RBMS1: variants seen among roughly 807,000 people sequenced by gnomAD.
The protein encoded by RBMS1 is RNA binding motif single stranded interacting protein 1, also known as RNA-binding motif, single-stranded-interacting protein 1.
Under a neutral mutation model 62.3 loss-of-function variants are expected in RBMS1, and 17 were observed. That is an observed-to-expected ratio of 0.27 (90% CI 0.19 to 0.41). RBMS1 has a LOEUF of 0.41. Ranked by LOEUF, RBMS1 falls within the 10% of genes least tolerant of loss-of-function variation. The pLI is 1.00. For missense variants in RBMS1, 334 were observed against 504.5 expected, an observed-to-expected ratio of 0.66 and a Z score of 3.24; for synonymous variants, 172 against 170.0, an observed-to-expected ratio of 1.01 and a Z score of -0.09.
intron 1 of RBMS1, among the ~76,000 whole-genome samples, chr2:160,387,481 T>G (rs79953834): frequency 0.014 from 2,173 of 152,208 alleles, 19 homozygotes; most frequent in Non-Finnish European, 0.023. Context: ...AGCCACGTCG[T>G]GGTCTGGGTG....
intron 1 of RBMS1, among the ~76,000 whole-genome samples, chr2:160,368,236 C>A (rs1196885529): frequency 1.3e-5 from 2 of 152,196 alleles, no homozygotes; most frequent in Non-Finnish European, 2.9e-5. Flanking sequence ...GGGCACGTAA[C>A]CCCAAGTGTC....
intron 3 of RBMS1, among the ~76,000 whole-genome samples, chr2:160,315,503 T>C (rs970851970): frequency 3.9e-5 from 6 of 152,194 alleles, no homozygotes; most frequent in African/African-American, 1.4e-4. Context: ...TCCTCTCACA[T>C]TGTGATGACT....
intron 1 of RBMS1, among the ~76,000 whole-genome samples, chr2:160,489,881 G>A (rs1685749973): frequency 6.6e-6 from 1 of 152,032 alleles, no homozygotes; most frequent in Non-Finnish European, 1.5e-5. Flanking sequence ...AAAATATGTA[G>A]CTAACTAATC....
chr2:160,358,366 C>A (rs1479683686), intron 2 of RBMS1, among the ~76,000 whole-genome samples: 2 of 152,156 alleles, frequency 1.3e-5, no homozygotes, highest in African/African-American at 2.4e-5. Context: ...ATTCTGTAAA[C>A]TGCACATCGT....
intron 1 of RBMS1, among the ~76,000 whole-genome samples, chr2:160,384,249 A>G (rs2105195546): frequency 6.6e-6 from 1 of 152,346 alleles, no homozygotes; most frequent in Admixed American, 6.5e-5. Flanking sequence ...TTAAATGAAA[A>G]AAAATTGAAT....
chr2:160,355,224 T>C (rs1692731787), intron 2 of RBMS1, among the ~76,000 whole-genome samples: 1 of 152,052 alleles, frequency 6.6e-6, no homozygotes, highest in Non-Finnish European at 1.5e-5. Flanking sequence ...AATCAGTGAG[T>C]AATAAACAAA....
intron 1 of RBMS1, among the ~76,000 whole-genome samples, chr2:160,371,639 G>C (rs1354732920): frequency 1.3e-5 from 2 of 152,230 alleles, no homozygotes; most frequent in Non-Finnish European, 2.9e-5. Context: ...AGGGGTGGTT[G>C]TATTAGACCC....
intron 2 of RBMS1, among the ~76,000 whole-genome samples, chr2:160,330,708 T>A (rs535458113): frequency 2.0e-4 from 30 of 147,094 alleles, no homozygotes; most frequent in African/African-American, 4.5e-4. Context: ...AAAAAAAAAA[T>A]GAGCCGATCA....
intron 4 of RBMS1, 65 bp from the exon 5 acceptor site, chr2:160,303,552 C>A: frequency 6.7e-7 from 1 of 1,493,806 alleles, no homozygotes; most frequent in Non-Finnish European, 9.0e-7. Flanking sequence ...TGTTAACACA[C>A]CTATTTTTAT....
At chr2:160,318,405 T>C (rs1690357037) in intron 2 of RBMS1, among the ~76,000 whole-genome samples, 178 bp from the exon 3 acceptor site, 1 of 152,146 alleles carries the variant, frequency 6.6e-6, no homozygotes, top group African/African-American at 2.4e-5. Context: ...AACTCAAAAC[T>C]GAAAAAAAGG....
intron 1 of RBMS1, among the ~76,000 whole-genome samples, chr2:160,422,948 A>G (rs1014084750): frequency 1.3e-5 from 2 of 152,152 alleles, no homozygotes; most frequent in Non-Finnish European, 2.9e-5. Context: ...TCAAATTCCT[A>G]ATCCTACCCC....
intron 2 of RBMS1, among the ~76,000 whole-genome samples, chr2:160,324,303 T>C (rs1690762248): frequency 1.3e-5 from 2 of 152,186 alleles, no homozygotes; most frequent in African/African-American, 4.8e-5. Context: ...CTAGGGAACG[T>C]GCAGCTTTTG....
At chr2:160,394,384 G>A (rs545046000) in intron 1 of RBMS1, among the ~76,000 whole-genome samples, 41 of 152,242 alleles carry the variant, frequency 2.7e-4, no homozygotes, top group Admixed American at 1.2e-3. Flanking sequence ...GGCAGGAAGG[G>A]ACTGAAAGTA....
chr2:160,296,430 C>T (rs1157259234), intron 6 of RBMS1, among the ~76,000 whole-genome samples: 5 of 152,116 alleles, frequency 3.3e-5, no homozygotes, highest in South Asian at 4.1e-4. Flanking sequence ...ATTAGTTTCT[C>T]TATGAAATGA....
At chr2:160,439,503 C>T (rs1574060828) in intron 1 of RBMS1, among the ~76,000 whole-genome samples, 1 of 151,252 alleles carries the variant, frequency 6.6e-6, no homozygotes, top group Non-Finnish European at 1.5e-5. Context: ...TGATGGCGGC[C>T]GGGAGGAGGC....
intron 1 of RBMS1, among the ~76,000 whole-genome samples, chr2:160,488,525 G>A (rs537633160): frequency 2.5e-4 from 38 of 152,190 alleles, no homozygotes; most frequent in African/African-American, 7.7e-4. Flanking sequence ...GTAGTGAGCC[G>A]AGATCGTGCC....
chr2:160,491,258 T>C (rs1303882814), intron 1 of RBMS1, among the ~76,000 whole-genome samples: 2 of 152,174 alleles, frequency 1.3e-5, no homozygotes, highest in East Asian at 3.8e-4. Context: ...TTTAATACCA[T>C]GTTATATAGG....
chr2:160,313,065 G>A (rs900968788), intron 4 of RBMS1, 91 bp downstream of exon 4: 3 of 1,220,976 alleles, frequency 2.5e-6, no homozygotes, highest in Non-Finnish European at 3.6e-6. Context: ...GGATGAAGGG[G>A]AGATTACAGA....
intron 1 of RBMS1, among the ~76,000 whole-genome samples, chr2:160,446,990 A>G (rs958261232): frequency 3.2e-4 from 49 of 152,350 alleles, no homozygotes; most frequent in African/African-American, 1.2e-3. Flanking sequence ...TTCTTCATGT[A>G]ACTAATGCTT....
Sources: gnomAD v4.1 joint callset for allele counts (sites outside exome capture counted in the v4.1 genomes callset) on GRCh38, gnomAD v4.1.1 for gene constraint, MANE v1.5 for transcripts, NCBI Gene and HGNC (gene_info 2026-07-23, HGNC 2026-07-21) for gene names.